Variants in SAMD5 observed in about 807,000 individuals in gnomAD.
SAMD5 encodes the protein sterile alpha motif domain containing 5.
Under a neutral mutation model 11.3 loss-of-function variants are expected in SAMD5, and 13 were observed. The ratio of observed to expected loss-of-function variants is 1.15; its 90% CI spans 0.75 to 1.83. SAMD5 has a LOEUF of 1.83. Among genes scored for constraint, SAMD5 ranks in the 40% most tolerant of loss-of-function variants. The pLI is 0.00. For missense variants in SAMD5, 255 were observed against 239.1 expected (o/e 1.07, Z -0.44); for synonymous variants, 129 against 111.3 (o/e 1.16, Z -1.00).
intron 1 of SAMD5, among the ~76,000 whole-genome samples, chr6:147,606,119 C>T (rs1489793384): frequency 6.6e-6 from 1 of 152,136 alleles, no homozygotes; most frequent in African/African-American, 2.4e-5. Flanking sequence ...TATCTTCCGG[C>T]TGTTTACAGG....
At chr6:147,656,437 A>G (rs1790569459) in intron 1 of SAMD5, among the ~76,000 whole-genome samples, 1 of 152,224 alleles carries the variant, frequency 6.6e-6, no homozygotes, top group Non-Finnish European at 1.5e-5. Context: ...CAAAGACGTT[A>G]AAAGACAAAT....
At chr6:147,691,637 G>A (rs527364867) in intron 1 of SAMD5, among the ~76,000 whole-genome samples, 29 of 152,254 alleles carry the variant, frequency 1.9e-4, no homozygotes, top group East Asian at 7.7e-4. Flanking sequence ...TTTTGGAGTC[G>A]TCTGTAAGCT....
chr6:147,593,956 C>T lies in SAMD5; in HGVS notation c.162+84569C>T, dbSNP rs560771658. Among the ~76,000 whole-genome samples the T allele has an allele frequency of 3.5e-4, 54 of 152,160 alleles. 1 individual carries two copies. The highest frequency in any genetic ancestry group is 1.1e-3 in the African/African-American group (47 of 41,534). On this transcript the variant is annotated intron_variant, in intron 1 of 1. Coordinates refer to the SAMD5 transcript ENST00000566741. Reference sequence around the variant, plus strand: ...CAGCCTGGCCAACATGGTGAAACCCCGTCTGTACTAAAAATACAAAAATTA... The same window carrying T: ...CAGCCTGGCCAACATGGTGAAACCCTGTCTGTACTAAAAATACAAAAATTA...
At chr6:147,813,568 T>A in the SAMD5 span, among the ~76,000 whole-genome samples, 4 of 152,360 alleles carry the variant, frequency 2.6e-5, no homozygotes, top group Admixed American at 6.5e-5. Context: ...AGCCTCCTAA[T>A]GTCAGATGTT....
chr6:147,806,318 GCA>G, the SAMD5 span, among the ~76,000 whole-genome samples: 309 of 68,120 alleles, frequency 4.5e-3, no homozygotes, highest in African/African-American at 0.012. Flanking sequence ...GCGCGCGCGC[GCA>G]CACACACACA....
intron 1 of SAMD5, among the ~76,000 whole-genome samples, chr6:147,527,564 C>A (rs1156551599): frequency 1.3e-5 from 2 of 151,922 alleles, no homozygotes; most frequent in East Asian, 3.9e-4. Flanking sequence ...ATATCCAAAC[C>A]ATATCATTTG....
rs190403447 is a variant in SAMD5 at position 147,706,508 on chromosome 6, G to A, written c.163-30809G>A. The stretch of plus-strand genomic sequence containing the variant: ...CTGCCAAAGTGCTGGGACTACAGGC[G>A]TGAGCCACCGCACCCAGCCATGACA... On this transcript the variant is annotated intron_variant, in intron 1 of 1. Transcript: ENST00000566741. Among the ~76,000 whole-genome samples the A allele has an allele frequency of 2.0e-4, 30 of 152,314 alleles. 1 individual carries two copies. The East Asian group carries it at 3.3e-3, about 17-fold the overall frequency.
Position 147,554,001 on chromosome 6 carries a change from G to A in SAMD5, c.460-10393G>A, listed in dbSNP as rs77794849. The stretch of plus-strand genomic sequence containing the variant: ...CACACTACTTTAAAGAACTGCTCAA[G>A]ACTGGGTGATTCAAAAGGGAAAGAG... On this transcript the variant is annotated intron_variant, in intron 1 of 1. Coordinates refer to ENST00000367474, the MANE Select transcript of SAMD5 (RefSeq NM_001030060.3). Among the ~76,000 whole-genome samples the A allele has an allele frequency of 3.6e-3, 545 of 152,268 alleles. 19 individuals are homozygous for A. In the East Asian group the frequency reaches 0.07, roughly 20 times the overall value.
In SAMD5 at chr6:147,568,196, A is replaced by G; in HGVS notation, c.*3740A>G. On this transcript the variant is annotated 3_prime_UTR_variant, in exon 2 of 2. Transcript: ENST00000367474. The stretch of plus-strand genomic sequence containing the variant: ...ATCCAACCAAGATACAAAGCAGATG[A>G]TGGTGGATCGGCAAACTCTTTTCTA... The G allele has an allele frequency of 1.0e-6, 1 of 985,370 alleles. No homozygotes were observed. The highest frequency in any genetic ancestry group is 4.7e-5 in the South Asian group (1 of 21,280). The allele number at this position is 985,370 out of a possible 1,614,324, so 61.0% of individuals were successfully genotyped here.
the SAMD5 span, among the ~76,000 whole-genome samples, chr6:147,845,517 C>A: frequency 6.6e-6 from 1 of 152,050 alleles, no homozygotes; most frequent in African/African-American, 2.4e-5. Context: ...ATCTAGCCTA[C>A]ATAAAGAACT....
intron 1 of SAMD5, among the ~76,000 whole-genome samples, chr6:147,642,147 G>C (rs1308365775): frequency 6.6e-6 from 1 of 152,314 alleles, no homozygotes; most frequent in East Asian, 1.9e-4. Context: ...AAAATAATGA[G>C]CTAGACTGCA....
chr6:147,550,165 C>T (rs1011123960), intron 1 of SAMD5, among the ~76,000 whole-genome samples: 1 of 151,948 alleles, frequency 6.6e-6, no homozygotes, highest in African/African-American at 2.4e-5. Flanking sequence ...ATTGCTTGAG[C>T]CCAGGAGTTT....
chr6:147,534,554 G>T (rs1360370766), intron 1 of SAMD5, among the ~76,000 whole-genome samples: 1 of 152,162 alleles, frequency 6.6e-6, no homozygotes, highest in Non-Finnish European at 1.5e-5. Context: ...GAGCATTCAG[G>T]GAGCAGAGTT....
At chr6:147,900,579 C>A in the SAMD5 span, among the ~76,000 whole-genome samples, 1,589 of 152,166 alleles carry the variant, frequency 0.01, 29 homozygotes, top group African/African-American at 0.029. Context: ...AGCTCACCTG[C>A]CGAGGAGGAA....
At position 147,585,354 on chromosome 6, in the gene SAMD5, G is replaced by A. The variant is rs141694119; in HGVS notation, c.162+75967G>A. 6.1e-3 allele frequency among the ~76,000 whole-genome samples: 924 copies of A among 152,256 alleles called. 13 individuals carry two copies. The highest frequency in any genetic ancestry group is 0.021 in the African/African-American group (876 of 41,544). ...GATGAGGCCGGTGACATTACAGCAT[G>A]AGCCCCTGCCAACAGGTTTAGTCAG... is the stretch of plus-strand genomic sequence containing the variant. On this transcript the variant is annotated intron_variant, in intron 1 of 1. Transcript: ENST00000566741.
At chr6:147,801,734 G>A in the SAMD5 span, among the ~76,000 whole-genome samples, 2 of 152,150 alleles carry the variant, frequency 1.3e-5, no homozygotes, top group African/African-American at 4.8e-5. Flanking sequence ...AGACAGAGGA[G>A]CCTGTGGTAT....
intron 1 of SAMD5, among the ~76,000 whole-genome samples, chr6:147,524,393 G>T (rs1047898239): frequency 8.0e-5 from 12 of 150,576 alleles, no homozygotes; most frequent in Non-Finnish European, 1.6e-4. Flanking sequence ...AGAGTAATGG[G>T]TTTTTTTGTT....
chr6:147,649,280 C>T (rs1790448394), intron 1 of SAMD5, among the ~76,000 whole-genome samples: 1 of 152,118 alleles, frequency 6.6e-6, no homozygotes, highest in African/African-American at 2.4e-5. Context: ...TAATCATAAG[C>T]TTCAGATGTC....
chr6:147,510,375 GA>G (rs1788070237), intron 1 of SAMD5, among the ~76,000 whole-genome samples: 1 of 152,200 alleles, frequency 6.6e-6, no homozygotes, highest in Admixed American at 6.5e-5. Flanking sequence ...ACTTGATAGA[GA>G]AGTAGACAGC....
Sources: allele counts gnomAD v4.1 joint callset (sites outside exome capture counted in the v4.1 genomes callset), GRCh38; gene constraint gnomAD v4.1.1; transcripts MANE v1.5; gene names NCBI Gene and HGNC (gene_info 2026-07-23, HGNC 2026-07-21).